Variants in MECR observed in about 807,000 individuals in gnomAD.
The protein encoded by MECR is enoyl-[acyl-carrier-protein] reductase, mitochondrial.
In MECR, 37 loss-of-function variants were observed where a neutral mutation model predicts 49.1. That is an observed-to-expected ratio of 0.75 (90% confidence interval 0.58 to 0.99). The LOEUF (loss-of-function observed/expected upper bound fraction) is 0.99, where lower values mean the gene tolerates loss of function less well. MECR is among the 50% of genes least tolerant of loss of function. The pLI, the probability that MECR is intolerant of heterozygous loss-of-function variation, is 0.00. For missense variants in MECR, 470 were observed against 479.6 expected (o/e 0.98, Z 0.19); for synonymous variants, 198 against 191.1 (o/e 1.04, Z -0.30).
intron 1 of MECR, among the ~76,000 whole-genome samples, chr1:29,220,439 G>A (rs954613832): frequency 9.9e-5 from 15 of 152,074 alleles, no homozygotes; most frequent in South Asian, 2.1e-4. Flanking sequence ...GAAATCAGGC[G>A]CAGGGCCCAA....
intron 1 of MECR, among the ~76,000 whole-genome samples, chr1:29,227,554 ACCTGGAGG>A (rs1484335369): frequency 2.6e-5 from 4 of 152,178 alleles, no homozygotes; most frequent in Admixed American, 2.6e-4. Context: ...AACAGGAGAA[ACCTGGAGG>A]CCTCCTTTTG....
the MECR span, among the ~76,000 whole-genome samples, chr1:29,175,414 G>A: frequency 6.0e-5 from 9 of 150,720 alleles, no homozygotes; most frequent in South Asian, 1.3e-3. Context: ...AAAAATTTCC[G>A]GCCGGGCGTG....
the MECR span, among the ~76,000 whole-genome samples, chr1:29,186,224 A>T: frequency 6.6e-6 from 1 of 152,198 alleles, no homozygotes. Flanking sequence ...CCTTCTAAAT[A>T]TTCACAGATT....
intron 1 of MECR, chr1:29,220,699 C>T (rs1359995547): frequency 3.2e-5 from 5 of 158,608 alleles, no homozygotes; most frequent in Non-Finnish European, 6.8e-5. Context: ...AGCAGACAGC[C>T]CTGGGTTTGA....
the MECR span, among the ~76,000 whole-genome samples, chr1:29,178,125 CCT>C: frequency 4.0e-5 from 6 of 151,618 alleles, no homozygotes; most frequent in East Asian, 1.9e-4. Context: ...GTCTCAAACC[CCT>C]GACTTCAAGT....
chr1:29,196,296 CAG>C, intron 7 of MECR, 38 bp from the exon 8 acceptor site: 1 of 1,573,478 alleles, frequency 6.4e-7, no homozygotes, highest in East Asian at 2.3e-5. Context: ...GGATGCAAGG[CAG>C]AGACAGAGCC....
At chr1:29,202,208 C>T (rs923258781) in intron 5 of MECR, among the ~76,000 whole-genome samples, 163 bp from the exon 6 acceptor site, 1 of 152,198 alleles carries the variant, frequency 6.6e-6, no homozygotes, top group Non-Finnish European at 1.5e-5. Flanking sequence ...TAATTTCATG[C>T]AGCTTCAATA....
At chr1:29,222,814 G>T (rs1022536861) in intron 1 of MECR, among the ~76,000 whole-genome samples, 1 of 152,146 alleles carries the variant, frequency 6.6e-6, no homozygotes, top group Admixed American at 6.5e-5. Context: ...CTGCAAGCCT[G>T]GGGGTGGGGG....
Position 29,201,775 on chromosome 1 carries a change from G to A in MECR, c.756+168C>T, listed in dbSNP as rs573193520. ...CTCCCAGCATCTGGGCACTTAATGC[G>A]TGCTGCCTGCCGCCTGGCTAGGGGG... On this transcript the variant is annotated intron_variant, in intron 6 of 9. Coordinates refer to ENST00000263702, the MANE Select transcript of MECR (RefSeq NM_016011.5). This position sits in a 1 kb window ranked among gnomAD's most constrained non-coding sequence, Gnocchi z 4.3. 3.3e-4 allele frequency among the ~76,000 whole-genome samples: 51 copies of A among 152,280 alleles called. No individual in the cohort carries two copies. The South Asian group carries it at 1.0e-2, about 30-fold the overall frequency.
intron 7 of MECR, among the ~76,000 whole-genome samples, chr1:29,198,629 G>A (rs1440420780): frequency 6.6e-6 from 1 of 152,006 alleles, no homozygotes; most frequent in Non-Finnish European, 1.5e-5. Context: ...TTGTTTGTTT[G>A]TTTTTGAGAC....
intron 3 of MECR, among the ~76,000 whole-genome samples, chr1:29,209,029 G>A (rs183029216): frequency 1.3e-5 from 2 of 152,312 alleles, no homozygotes; most frequent in East Asian, 3.9e-4. Flanking sequence ...ATGCTGCACC[G>A]CAGGGTGGAG....
rs143044539 is a variant in MECR at position 29,206,658 on chromosome 1, C to T, written c.550+104G>A. 29 of 1,391,762 alleles carry T rather than the reference C, an allele frequency of 2.1e-5. No individual in the cohort carries two copies. The East Asian group carries it at 6.0e-4, about 29-fold the overall frequency. 86.2% of individuals were successfully genotyped at this position (1,391,762 alleles called of 1,614,324 possible). A position where few individuals can be genotyped will look rare whatever the true frequency, so the allele number is the denominator to read the frequency against. ...ACCCAGGTGAGAGGTCCATCACCCC[C>T]TCAAAACCTCCACCTTGCAAGTTCT... On this transcript the variant is annotated intron_variant, in intron 4 of 9. Coordinates refer to ENST00000263702, the MANE Select transcript of MECR (RefSeq NM_016011.5).
At chr1:29,203,353 C>A (rs1675805918) in intron 4 of MECR, 120 bp from the exon 5 acceptor site, 1 of 684,748 alleles carries the variant, frequency 1.5e-6, no homozygotes, top group Non-Finnish European at 2.4e-6. Flanking sequence ...GGACCCAGGA[C>A]CTGGCTGCTG....
chr1:29,167,937 TG>T, the MECR span, among the ~76,000 whole-genome samples: 5 of 151,786 alleles, frequency 3.3e-5, no homozygotes, highest in African/African-American at 1.2e-4. Context: ...AAGGAGCTCA[TG>T]AGTGAAGGAG....
At chr1:29,215,332 C>T (rs1299674201) in intron 3 of MECR, among the ~76,000 whole-genome samples, 1 of 152,292 alleles carries the variant, frequency 6.6e-6, no homozygotes, top group East Asian at 1.9e-4. Context: ...GTAATCCCAG[C>T]ACTTTGGGAG....
At chr1:29,224,344 G>A (rs942070758) in intron 1 of MECR, 1 of 152,166 alleles carries the variant, frequency 6.6e-6, no homozygotes, top group Admixed American at 6.5e-5. Context: ...AGGGCCAAGA[G>A]GGGGTCCTTG....
At chr1:29,203,011 G>T in intron 5 of MECR, 120 bp downstream of exon 5, 1 of 704,896 alleles carries the variant, frequency 1.4e-6, no homozygotes, top group Non-Finnish European at 2.3e-6. Context: ...TGTTAGCGAT[G>T]CCTAAAGCCA....
the MECR span, among the ~76,000 whole-genome samples, chr1:29,183,880 CTTTTTT>C: frequency 1.6e-5 from 2 of 125,738 alleles, no homozygotes; most frequent in African/African-American, 6.2e-5. Context: ...ATTTATTCTA[CTTTTTT>C]TTTTTTTTTT....
At chr1:29,222,618 T>C (rs1159304167) in intron 1 of MECR, among the ~76,000 whole-genome samples, 1 of 152,172 alleles carries the variant, frequency 6.6e-6, no homozygotes, top group Non-Finnish European at 1.5e-5. Flanking sequence ...TGAGAAACGA[T>C]GCTCTGGGCC....
Sources: gnomAD v4.1 joint callset for allele counts (sites outside exome capture counted in the v4.1 genomes callset) on GRCh38, gnomAD v4.1.1 for gene constraint, Gnocchi (gnomAD v3.1) non-coding constraint, MANE v1.5 for transcripts, NCBI Gene and HGNC (gene_info 2026-07-23, HGNC 2026-07-21) for gene names.